Variants in MEI1 observed in about 807,000 individuals in gnomAD.
MEI1 encodes the protein meiosis inhibitor protein 1.
MEI1 carries 103 observed loss-of-function variants against 146.2 expected under a neutral mutation model. The ratio of observed to expected loss-of-function variants is 0.70; its 90% CI spans 0.60 to 0.83. MEI1 has a LOEUF of 0.83. Among genes scored for constraint, MEI1 ranks in the 40% least tolerant of loss-of-function variants. MEI1 has a pLI of 0.00. For synonymous variants in MEI1, 652 were observed against 628.2 expected, an observed-to-expected ratio of 1.04 and a Z score of -0.57; for missense variants, 1,529 against 1,533.0, an observed-to-expected ratio of 1.00 and a Z score of 0.04.
chr22:41,717,904 C>G (rs768585245), intron 5 of MEI1, among the ~76,000 whole-genome samples, 167 bp from the exon 6 acceptor site: 4 of 152,156 alleles, frequency 2.6e-5, no homozygotes, highest in Non-Finnish European at 4.4e-5. Flanking sequence ...GTGTGAGTTA[C>G]TGTGCCCAGT....
chr22:41,713,739 G>A (rs777328191), intron 3 of MEI1, among the ~76,000 whole-genome samples: 7 of 152,152 alleles, frequency 4.6e-5, no homozygotes, highest in Non-Finnish European at 7.3e-5. Context: ...ATAGAGACGA[G>A]GTTTCTCCAT....
Position 41,723,940 on chromosome 22 carries a change from T to A in MEI1, c.734-3T>A, listed in dbSNP as rs1420471722. ...CTTACTTCCCAATCCCTTTGTTTCC[T>A]AGGTTTGCTGAGGCAGCTGTTGAAG... On this transcript the variant is annotated splice_region_variant and splice_polypyrimidine_tract_variant and intron_variant, in intron 6 of 30. Coordinates refer to ENST00000401548, the MANE Select transcript of MEI1 (RefSeq NM_152513.4). 1 of 1,592,730 alleles carries A rather than the reference T, an allele frequency of 6.3e-7. No individual in the cohort carries two copies. The highest frequency in any genetic ancestry group is 1.1e-5 in the South Asian group (1 of 87,690).
At chr22:41,708,333 C>G (rs373080980) in intron 3 of MEI1, among the ~76,000 whole-genome samples, 19 of 151,630 alleles carry the variant, frequency 1.3e-4, no homozygotes, top group African/African-American at 4.6e-4. Context: ...TTGCCTTCAA[C>G]GAGGGTCTCA....
chr22:41,718,481 G>A (rs375238533), intron 6 of MEI1, among the ~76,000 whole-genome samples: 1 of 152,156 alleles, frequency 6.6e-6, no homozygotes, highest in African/African-American at 2.4e-5. Flanking sequence ...GAGGAAAATA[G>A]GAAGGAAAGT....
chr22:41,758,520 A>C lies in MEI1; in HGVS notation c.2107A>C (p.Ile703Leu). ...CCTGCTCCTCTTCTACTTGGCCTAC[A>C]TCCATGAAGACAGGTCAGTGCACAG... ...CILLLFYLAYIHEDRFVSEAE... is the reference protein window; with the variant it reads ...CILLLFYLAYLHEDRFVSEAE... The change falls in exon 18 of 31, where the codon ATC becomes CTC. Residue 703 changes from isoleucine (I) to leucine (L), a missense_variant. Coordinates refer to ENST00000401548, the MANE Select transcript of MEI1 (RefSeq NM_152513.4). 1 of 1,612,860 alleles carries C rather than the reference A, an allele frequency of 6.2e-7. No individual in the cohort carries two copies. Among genetic ancestry groups the C allele is most frequent in the Non-Finnish European group, 8.5e-7 (1 of 1,179,302 alleles).
intron 9 of MEI1, 92 bp from the exon 10 acceptor site, chr22:41,732,153 A>G (rs1344471017): frequency 5.0e-6 from 5 of 995,784 alleles, no homozygotes; most frequent in Non-Finnish European, 7.6e-6. Context: ...CAACTCATAC[A>G]TGCTGTCCAG....
chr22:41,795,521 C>T lies in MEI1; in HGVS notation c.3645C>T (p.Ala1215=), dbSNP rs775525305. ...LSTLSNTTLQ[A]LHGFFQQLQS... ...CCCTCTCGAACACCACACTCCAGGC[C>T]CTGCATGGCTTCTTCCAGCAGGTGG... Residue 1215 remains alanine, a synonymous_variant, in exon 29 of 31, where the codon GCC becomes GCT. Transcript: ENST00000401548. This position sits in a 1 kb window ranked among gnomAD's most constrained non-coding sequence, Gnocchi z 4.2. The T allele has an allele frequency of 1.2e-6, 2 of 1,613,634 alleles. No homozygotes were observed. Among genetic ancestry groups the T allele is most frequent in the East Asian group, 2.2e-5 (1 of 44,804 alleles).
chr22:41,715,249 T>C, intron 4 of MEI1, among the ~76,000 whole-genome samples: 1 of 152,028 alleles, frequency 6.6e-6, no homozygotes. Flanking sequence ...CCACCAGAGT[T>C]AAGAATCTTG....
chr22:41,720,200 G>T (rs79486344), intron 6 of MEI1, among the ~76,000 whole-genome samples: 6 of 151,960 alleles, frequency 3.9e-5, no homozygotes, highest in Non-Finnish European at 5.9e-5. Flanking sequence ...TCCTAAATTG[G>T]GGGGGAGAGG....
intron 26 of MEI1, among the ~76,000 whole-genome samples, chr22:41,793,036 T>TC (rs2076237448): frequency 1.5e-5 from 1 of 68,122 alleles, no homozygotes; most frequent in Non-Finnish European, 2.4e-5. Flanking sequence ...AGCATTCTTT[T>TC]TTTTTTTTTT....
chr22:41,707,187 A>G (rs1256317836), intron 3 of MEI1, among the ~76,000 whole-genome samples: 2 of 152,166 alleles, frequency 1.3e-5, no homozygotes, highest in Middle Eastern at 3.2e-3. Flanking sequence ...TGGGTGATAC[A>G]GTGAGACCCT....
chr22:41,789,284 C>A (rs1169869166), intron 26 of MEI1, among the ~76,000 whole-genome samples: 3 of 152,086 alleles, frequency 2.0e-5, no homozygotes, highest in African/African-American at 7.2e-5. Flanking sequence ...TGCACTCCAG[C>A]CTGGGTGACA....
intron 1 of MEI1, among the ~76,000 whole-genome samples, 198 bp from the exon 2 acceptor site, chr22:41,703,133 A>G (rs1341510713): frequency 6.6e-6 from 1 of 152,258 alleles, no homozygotes; most frequent in Non-Finnish European, 1.5e-5. Flanking sequence ...TAGCTCATGT[A>G]TAATCTTCTG....
Position 41,784,637 on chromosome 22 carries a change from C to T in MEI1, c.3199C>T (p.Leu1067=). 2.5e-6 allele frequency: 4 copies of T among 1,613,390 alleles called. No individual in the cohort carries two copies. In the South Asian group the frequency reaches 3.3e-5, roughly 13 times the overall value. ...AAILCFLRTA[L]RQSFSSALVA... is the part of the protein sequence containing the mutation. ...CATCTTATGCTTCCTGCGGACAGCCCTGCGACAAAGCTTTTCCTCTGCCCT... is the reference window on the plus strand; with the variant it reads ...CATCTTATGCTTCCTGCGGACAGCCTTGCGACAAAGCTTTTCCTCTGCCCT... Residue 1067 remains leucine (L), a synonymous_variant, in exon 26 of 31, where the codon CTG becomes TTG. Transcript: ENST00000401548.
intron 6 of MEI1, among the ~76,000 whole-genome samples, chr22:41,723,121 C>G (rs573198469): frequency 2.4e-4 from 36 of 152,274 alleles, no homozygotes; most frequent in Middle Eastern, 3.4e-3. Context: ...TTACTGATCC[C>G]CCACACTGGG....
chr22:41,758,243 C>A, intron 17 of MEI1, 122 bp from the exon 18 acceptor site: 1 of 845,286 alleles, frequency 1.2e-6, no homozygotes, highest in Non-Finnish European at 1.7e-6. Context: ...CCTTATTTCC[C>A]ACTATACTGC....
intron 18 of MEI1, among the ~76,000 whole-genome samples, chr22:41,760,863 T>C (rs565552862): frequency 6.6e-6 from 1 of 152,324 alleles, no homozygotes; most frequent in African/African-American, 2.4e-5. Flanking sequence ...GGGTTCTAAG[T>C]CATGAGTTGA....
At chr22:41,794,537 GA>G (rs2076297685) in intron 28 of MEI1, 60 bp downstream of exon 28, 1 of 1,393,660 alleles carries the variant, frequency 7.2e-7, no homozygotes, top group East Asian at 2.3e-5. Flanking sequence ...TGGTGCTGAA[GA>G]GGCCAGGGTC....
intron 3 of MEI1, 86 bp from the exon 4 acceptor site, chr22:41,713,916 C>A: frequency 9.1e-7 from 1 of 1,096,986 alleles, no homozygotes; most frequent in Non-Finnish European, 1.4e-6. Context: ...AATCACTATC[C>A]TGCACTGATT....
Sources: allele counts gnomAD v4.1 joint callset (sites outside exome capture counted in the v4.1 genomes callset), GRCh38; gene constraint gnomAD v4.1.1; non-coding constraint Gnocchi (gnomAD v3.1); transcripts MANE v1.5; gene names NCBI Gene and HGNC (gene_info 2026-07-23, HGNC 2026-07-21).